Variants in CARS1 observed in about 807,000 individuals in gnomAD.
The protein encoded by CARS1 is cysteinyl-tRNA synthetase 1, also known as cysteine--tRNA ligase, cytoplasmic.
In CARS1, 48 loss-of-function variants were observed where a neutral mutation model predicts 106.2. The observed-to-expected ratio is 0.45, with a 90% confidence interval of 0.36 to 0.57. The LOEUF is 0.57. Ranked by LOEUF, CARS1 falls within the 20% of genes least tolerant of loss-of-function variation. The pLI, the probability that CARS1 is intolerant of heterozygous loss-of-function variation, is 0.00. For missense variants in CARS1, 968 were observed against 1,057.2 expected (o/e 0.92, Z 1.17); for synonymous variants, 409 against 403.4 (o/e 1.01, Z -0.17).
rs569416381 is a variant in CARS1, at chr11:3,003,308, A to C, written c.2218-708T>G. ...AATCACATTTTCACCTTTCCTTTGG[A>C]CAGCCTAGGTTTCAGATGCTTCCCA... On this transcript the variant is annotated intron_variant, in intron 20 of 22. Coordinates refer to ENST00000380525, the MANE Select transcript of CARS1 (RefSeq NM_001014437.3). The surrounding 1 kb of genome is among the most constrained non-coding windows in gnomAD (Gnocchi z 4.8). Among the ~76,000 whole-genome samples the C allele has an allele frequency of 1.6e-4, 25 of 152,216 alleles. No individual in the cohort carries two copies. The highest frequency in any genetic ancestry group is 3.2e-4 in the Non-Finnish European group (22 of 68,036).
At position 3,004,712 on chromosome 11, in the gene CARS1, C is replaced by T. The variant is rs149576107; in HGVS notation, c.2217+654G>A. ...CTTGGGCCATCCCTGATCCTGGGGG[C>T]GTTGTGGGGTGCAGGTGGGGAGTAT... On this transcript the variant is annotated intron_variant, in intron 20 of 22. Transcript: ENST00000380525. This position sits in a 1 kb window ranked among gnomAD's most constrained non-coding sequence, Gnocchi z 5.2. Among the ~76,000 whole-genome samples the T allele has an allele frequency of 1.3e-5, 2 of 152,244 alleles. No homozygotes were observed. Among genetic ancestry groups the T allele is most frequent in the East Asian group, 3.9e-4 (2 of 5,188 alleles).
rs745621878 is a variant in CARS1, at chr11:3,012,273, C to T, written c.1990G>A (p.Glu664Lys). The T allele has an allele frequency of 9.3e-6, 15 of 1,614,014 alleles. No homozygotes were observed. Among genetic ancestry groups the T allele is most frequent in the East Asian group, 2.2e-5 (1 of 44,896 alleles). The change falls in exon 18 of 23, where the codon GAG (glutamate) becomes AAG (lysine). Residue 664 changes from glutamate to lysine, a missense_variant. Coordinates refer to ENST00000380525, the MANE Select transcript of CARS1 (RefSeq NM_001014437.3). ...TGAAGGTAGGGCATGACTGTGGCCTCGAGCTGCGGAAAGAACAGTTTTGGT... is the reference window on the plus strand; with the variant it reads ...TGAAGGTAGGGCATGACTGTGGCCTTGAGCTGCGGAAAGAACAGTTTTGGT... The part of the protein sequence containing the change: ...VGGPGTSLSL[E>K]ATVMPYLQVL...
rs1851592873 is a variant in CARS1 at position 3,021,800 on chromosome 11, A to G, written c.1154-1468T>C. 6.6e-6 allele frequency among the ~76,000 whole-genome samples: 1 copy of G among 152,150 alleles called. No homozygotes were observed. The highest frequency in any genetic ancestry group is 1.5e-5 in the Non-Finnish European group (1 of 68,020). Reference sequence around the variant, plus strand: ...AAGGCCGCTGTCCTGGCTTCCTTCTACCTCCGCACTGTTCTGCCACTGACA... The same window carrying G: ...AAGGCCGCTGTCCTGGCTTCCTTCTGCCTCCGCACTGTTCTGCCACTGACA... On this transcript the variant is annotated intron_variant, in intron 10 of 22. Coordinates refer to ENST00000380525, the MANE Select transcript of CARS1 (RefSeq NM_001014437.3). The surrounding 1 kb of genome is among the most constrained non-coding windows in gnomAD (Gnocchi z 5.3).
intron 16 of CARS1, 142 bp downstream of exon 16, chr11:3,016,963 AG>A: frequency 1.6e-6 from 1 of 634,640 alleles, no homozygotes; most frequent in Non-Finnish European, 2.7e-6. Flanking sequence ...CAAAGAGGAC[AG>A]AAGCATATCT....
At chr11:3,031,645 A>G (rs575959829) in intron 7 of CARS1, 1 of 152,350 alleles carries the variant, frequency 6.6e-6, no homozygotes, top group East Asian at 1.9e-4. Flanking sequence ...TCATAGGGCA[A>G]ACCACTGCCC....
rs1470113872 is a variant in CARS1 at position 3,039,234 on chromosome 11, T to G, written c.611A>C (p.Glu204Ala). The change falls in exon 6 of 23, where the codon GAA becomes GCA. Residue 204 changes from glutamate to alanine, a missense_variant. Physicochemically the swap from Glu to Ala is moderately radical, Grantham distance 107 (BLOSUM62 -1). Coordinates refer to ENST00000380525, the MANE Select transcript of CARS1 (RefSeq NM_001014437.3). The surrounding 1 kb of genome is among the most constrained non-coding windows in gnomAD (Gnocchi z 5.6). ...LFEQYREKRP[E>A]AAQLLEDVQA... is the part of the protein sequence containing the mutation. ...AACATCCTCCAAGAGCTGTGCCGCT[T>G]CAGGCCTCTTCTCCCGATACTGCTC... 7 of 1,613,860 alleles carry G rather than the reference T, an allele frequency of 4.3e-6. No homozygotes were observed. In the South Asian group the frequency reaches 5.5e-5, roughly 13 times the overall value.
At chr11:3,006,676 T>G (rs1414555426) in intron 19 of CARS1, among the ~76,000 whole-genome samples, 1 of 152,122 alleles carries the variant, frequency 6.6e-6, no homozygotes, top group Non-Finnish European at 1.5e-5. Context: ...CACGCAGCAG[T>G]GGGAAGGAGC....
Position 3,042,275 on chromosome 11 carries a change from A to G in CARS1, c.275-19T>C. On this transcript the variant is annotated intron_variant, in intron 2 of 22. Transcript: ENST00000380525. ...CCTTTGCCTGGGAGGCAGAGAGAGC[A>G]GGATCAGGGTCCAGGGGCAGCACCA... 17 of 1,602,452 alleles carry G rather than the reference A, an allele frequency of 1.1e-5. No individual in the cohort carries two copies. The highest frequency in any genetic ancestry group is 1.4e-5 in the Non-Finnish European group (17 of 1,174,536).
At chr11:3,036,850 G>A (rs1350945681) in intron 7 of CARS1, among the ~76,000 whole-genome samples, 1 of 152,144 alleles carries the variant, frequency 6.6e-6, no homozygotes, top group African/African-American at 2.4e-5. Context: ...GCCATAGGAA[G>A]GAAGCAGAGT....
rs200226440 is a variant in CARS1 at position 3,029,292 on chromosome 11, G to A, written c.942+11C>T. 54 of 1,613,440 alleles carry A rather than the reference G, an allele frequency of 3.3e-5. No individual in the cohort carries two copies. The highest frequency in any genetic ancestry group is 1.4e-4 in the South Asian group (13 of 91,052). On this transcript the variant is annotated intron_variant, in intron 8 of 22. Transcript: ENST00000380525. This position sits in a 1 kb window ranked among gnomAD's most constrained non-coding sequence, Gnocchi z 5.9. ...GCAAGAGAGCCAGCACAAGACAATC[G>A]TGACACTTACATTCAGAGCTTCCAT...
chr11:3,019,380 G>GTT lies in CARS1; in HGVS notation c.1267-114_1267-113insAA, dbSNP rs1163250677. The GTT allele has an allele frequency of 1.4e-5, 16 of 1,177,424 alleles. No homozygotes were observed. The African/African-American group carries it at 2.3e-4, about 17-fold the overall frequency. 72.9% of individuals were successfully genotyped at this position (1,177,424 alleles called of 1,614,324 possible). Reference sequence around the variant, plus strand: ...CATCCTCTGAACTTTATTGGAACAAGCGTTAAATCCCGCACATGAAAAGAC... The same window carrying GTT: ...CATCCTCTGAACTTTATTGGAACAAGTTCGTTAAATCCCGCACATGAAAAGAC... On this transcript the variant is annotated intron_variant, in intron 11 of 22. Transcript: ENST00000380525. This position sits in a 1 kb window ranked among gnomAD's most constrained non-coding sequence, Gnocchi z 6.2.
intron 2 of CARS1, 50 bp downstream of exon 2, chr11:3,047,703 G>C: frequency 3.2e-6 from 5 of 1,562,216 alleles, no homozygotes; most frequent in Non-Finnish European, 4.3e-6. Flanking sequence ...GAAAGCCCTT[G>C]ACCTTGGGAG....
Position 3,017,643 on chromosome 11 carries a change from C to G in CARS1, c.1727+214G>C. 3.5e-6 allele frequency: 2 copies of G among 570,054 alleles called. No individual in the cohort carries two copies. Among genetic ancestry groups the G allele is most frequent in the Non-Finnish European group, 6.2e-6 (2 of 323,872 alleles). The allele number at this position is 570,054 out of a possible 1,614,324, so 35.3% of individuals were successfully genotyped here. A position where few individuals can be genotyped will look rare whatever the true frequency, so the allele number is the denominator to read the frequency against. On this transcript the variant is annotated intron_variant, in intron 15 of 22. Transcript: ENST00000380525. This position sits in a 1 kb window ranked among gnomAD's most constrained non-coding sequence, Gnocchi z 4.9. ...GGGCAACAAGGGCGAAACTCCGTCT[C>G]AAAAAGAAAAAACAAAAAAGAAATT...
rs757042522 is a variant in CARS1 at position 3,012,202 on chromosome 11, C to T, written c.2061G>A (p.Glu687=). 3.1e-6 allele frequency: 5 copies of T among 1,613,984 alleles called. No homozygotes were observed. The highest frequency in any genetic ancestry group is 4.2e-6 in the Non-Finnish European group (5 of 1,179,926). Reference sequence around the variant, plus strand: ...CCAGCAACTGGTCCTCACCTTTTTGCTCTCGGGCAATCTTCCGCACTCCTT... The same window carrying T: ...CCAGCAACTGGTCCTCACCTTTTTGTTCTCGGGCAATCTTCCGCACTCCTT... ...FREGVRKIAR[E]QKVPEILQLS... Residue 687 remains glutamate (E), a synonymous_variant, in exon 18 of 23, where the codon GAG becomes GAA. Transcript: ENST00000380525.
chr11:3,031,874 C>A (rs1852811603), intron 7 of CARS1, among the ~76,000 whole-genome samples: 1 of 152,190 alleles, frequency 6.6e-6, no homozygotes, highest in Non-Finnish European at 1.5e-5. Flanking sequence ...CCTCTAGGAA[C>A]CTGACCAGGC....
chr11:3,005,956 G>A (rs993758592), intron 19 of CARS1, among the ~76,000 whole-genome samples: 3 of 152,156 alleles, frequency 2.0e-5, no homozygotes, highest in African/African-American at 4.8e-5. Context: ...CCAGCCAGGA[G>A]TAGGAAAATA....
In CARS1 at chr11:3,020,769, G is replaced by A. The variant is rs535219202; in HGVS notation, c.1154-437C>T. On this transcript the variant is annotated intron_variant, in intron 10 of 22. Transcript: ENST00000380525. The surrounding 1 kb of genome is among the most constrained non-coding windows in gnomAD (Gnocchi z 4.6). The stretch of plus-strand genomic sequence containing the variant: ...GGTGGGGTCAATATGTCAAGGGCCC[G>A]CACAACTATCTGCTTATGGGTCCCG... 1.4e-4 allele frequency among the ~76,000 whole-genome samples: 21 copies of A among 152,316 alleles called. No individual in the cohort carries two copies. Among genetic ancestry groups the A allele is most frequent in the African/African-American group, 4.8e-4 (20 of 41,578 alleles).
intron 7 of CARS1, among the ~76,000 whole-genome samples, chr11:3,036,574 G>T (rs1853668508): frequency 6.6e-6 from 1 of 152,234 alleles, no homozygotes; most frequent in African/African-American, 2.4e-5. Flanking sequence ...CACTATGGGT[G>T]GGAATGTGTA....
chr11:3,018,230 A>C, intron 14 of CARS1, 178 bp downstream of exon 14: 1 of 615,470 alleles, frequency 1.6e-6, no homozygotes. Context: ...CTGAGCCGTC[A>C]GCCATTTCAG....
Sources: gnomAD v4.1 joint callset for allele counts (sites outside exome capture counted in the v4.1 genomes callset) on GRCh38, gnomAD v4.1.1 for gene constraint, Gnocchi (gnomAD v3.1) non-coding constraint, MANE v1.5 for transcripts, NCBI Gene and HGNC (gene_info 2026-07-23, HGNC 2026-07-21) for gene names.